The following NEK1 variants were observed in gnomAD, a reference collection of about 807,000 sequenced individuals.
NEK1 encodes serine/threonine-protein kinase Nek1.
In NEK1, 137 loss-of-function variants were observed where a neutral mutation model predicts 182.1. The observed-to-expected ratio is 0.75, with a 90% CI of 0.65 to 0.87. The LOEUF is 0.87. NEK1 is among the 40% of genes least tolerant of loss of function. The pLI is 0.00. For missense variants in NEK1, 1,391 were observed against 1,494.4 expected (o/e 0.93, Z 1.14); for synonymous variants, 513 against 492.2 (o/e 1.04, Z -0.56).
At chr4:169,436,841 A>C (rs1468940735) in intron 28 of NEK1, among the ~76,000 whole-genome samples, 1 of 152,222 alleles carries the variant, frequency 6.6e-6, no homozygotes, top group Admixed American at 6.5e-5. Context: ...ATTTCTAAGA[A>C]CTCAACAGCA....
Position 169,477,293 on chromosome 4 carries a change from T to C in NEK1, c.2265A>G (p.Lys755=). Residue 755 remains lysine, a synonymous_variant, in exon 26 of 36, where the codon AAA becomes AAG. Coordinates refer to ENST00000507142, the MANE Select transcript of NEK1 (RefSeq NM_001199397.3). ...AAGTATCAGAGAGATTCTGCTTTCC[T>C]TTTTCATCTTCTTGAGCTTTAAGAT... ...NENLKAQEDE[K]GKQNLSDTFE... is the part of the protein sequence containing the mutation. 1 of 1,591,710 alleles carries C rather than the reference T, an allele frequency of 6.3e-7. No homozygotes were observed. Among genetic ancestry groups the C allele is most frequent in the South Asian group, 1.1e-5 (1 of 88,072 alleles).
intron 27 of NEK1, among the ~76,000 whole-genome samples, chr4:169,448,106 T>C (rs1357099633): frequency 6.6e-6 from 1 of 151,868 alleles, no homozygotes; most frequent in African/African-American, 2.4e-5. Context: ...TGGGACATGC[T>C]TGTAGTCCCA....
rs1730273243 is a variant in NEK1 at position 169,393,762 on chromosome 4, C to A, written c.*748G>T. On this transcript the variant is annotated 3_prime_UTR_variant, in exon 36 of 36. Coordinates refer to ENST00000507142, the MANE Select transcript of NEK1 (RefSeq NM_001199397.3). ...CAAAAGAGCAACTTTAAGCTATATG[C>A]TAAGTCAGTGTTAAATCCACAGACT... is the stretch of plus-strand genomic sequence containing the variant. The A allele has an allele frequency of 6.6e-6, 1 of 152,190 alleles. No individual in the cohort carries two copies. Among genetic ancestry groups the A allele is most frequent in the African/African-American group, 2.4e-5 (1 of 41,440 alleles). 9.4% of individuals were successfully genotyped at this position (152,190 alleles called of 1,614,324 possible).
chr4:169,413,271 G>A (rs944247349), intron 31 of NEK1, among the ~76,000 whole-genome samples: 3 of 151,666 alleles, frequency 2.0e-5, no homozygotes, highest in Non-Finnish European at 2.9e-5. Context: ...GGGCTCAAGC[G>A]ATCCTCCCAT....
At chr4:169,416,599 A>G (rs1173028672) in intron 31 of NEK1, among the ~76,000 whole-genome samples, 1 of 152,224 alleles carries the variant, frequency 6.6e-6, no homozygotes, top group Non-Finnish European at 1.5e-5. Context: ...AGAGGTACTC[A>G]AAGATTAAGA....
chr4:169,593,051 T>C (rs934793177), intron 5 of NEK1, among the ~76,000 whole-genome samples: 3 of 152,134 alleles, frequency 2.0e-5, no homozygotes, highest in African/African-American at 7.2e-5. Context: ...ACAGACAGTG[T>C]TCTTCTATTA....
chr4:169,560,220 A>G (rs369800277), intron 16 of NEK1, among the ~76,000 whole-genome samples: 1 of 152,194 alleles, frequency 6.6e-6, no homozygotes, highest in East Asian at 1.9e-4. Context: ...GGTGTCAGCC[A>G]GGGTTACAAT....
chr4:169,529,204 CA>C (rs1341372490), intron 19 of NEK1, among the ~76,000 whole-genome samples: 10 of 152,078 alleles, frequency 6.6e-5, no homozygotes, highest in African/African-American at 2.4e-4. Context: ...GTTGCTACCT[CA>C]AAAAACAAGA....
intron 19 of NEK1, among the ~76,000 whole-genome samples, chr4:169,528,231 A>C (rs558086541): frequency 2.6e-5 from 4 of 152,158 alleles, no homozygotes; most frequent in Non-Finnish European, 5.9e-5. Flanking sequence ...TGTAATTGTC[A>C]CATTATATAC....
chr4:169,473,665 A>C (rs1479936401), intron 26 of NEK1, among the ~76,000 whole-genome samples: 1 of 152,032 alleles, frequency 6.6e-6, no homozygotes, highest in Non-Finnish European at 1.5e-5. Context: ...TGGGTGGGTC[A>C]CTTGAGGCCA....
chr4:169,452,753 C>A (rs1269168121), intron 27 of NEK1, among the ~76,000 whole-genome samples: 2 of 152,126 alleles, frequency 1.3e-5, no homozygotes, highest in Non-Finnish European at 2.9e-5. Context: ...AAAACTGGCA[C>A]AAGACAAGGA....
intron 23 of NEK1, among the ~76,000 whole-genome samples, chr4:169,503,860 A>C (rs1211672196): frequency 1.3e-5 from 2 of 152,114 alleles, no homozygotes; most frequent in African/African-American, 4.8e-5. Flanking sequence ...CTAAGTAAAA[A>C]TGGACAAATG....
intron 26 of NEK1, among the ~76,000 whole-genome samples, chr4:169,475,152 T>A (rs1746712202): frequency 6.6e-6 from 1 of 152,186 alleles, no homozygotes. Context: ...CTGGGATTCC[T>A]GGAAGACCAA....
intron 10 of NEK1, among the ~76,000 whole-genome samples, chr4:169,583,679 G>A (rs543982787): frequency 6.6e-6 from 1 of 152,298 alleles, no homozygotes; most frequent in Non-Finnish European, 1.5e-5. Context: ...ACTAAATGAA[G>A]TCATTGTTTA....
chr4:169,430,951 A>G (rs529716679), intron 29 of NEK1, among the ~76,000 whole-genome samples: 5 of 152,226 alleles, frequency 3.3e-5, no homozygotes, highest in African/African-American at 1.2e-4. Context: ...AGTTAAAAAA[A>G]CCAATACAGC....
intron 26 of NEK1, among the ~76,000 whole-genome samples, chr4:169,474,452 C>T (rs181372150): frequency 1.1e-4 from 16 of 152,306 alleles, no homozygotes; most frequent in African/African-American, 3.6e-4. Flanking sequence ...TGTTCTGCTT[C>T]GCAGTTCAGC....
At chr4:169,515,648 C>T (rs1469884017) in intron 19 of NEK1, among the ~76,000 whole-genome samples, 1 of 106,604 alleles carries the variant, frequency 9.4e-6, no homozygotes, top group East Asian at 2.8e-4. Context: ...GCTATCCCTC[C>T]CCCCTCCCCC....
At chr4:169,541,773 A>G (rs2149831716) in intron 18 of NEK1, among the ~76,000 whole-genome samples, 1 of 152,326 alleles carries the variant, frequency 6.6e-6, no homozygotes, top group East Asian at 1.9e-4. Context: ...TTCATTGAAT[A>G]AAATATTCCC....
At chr4:169,605,705 A>G (rs566292551) in intron 2 of NEK1, among the ~76,000 whole-genome samples, 3 of 152,316 alleles carry the variant, frequency 2.0e-5, no homozygotes, top group African/African-American at 7.2e-5. Flanking sequence ...AACTCAAATT[A>G]ATGTTTGCCT....
Sources: gnomAD v4.1 joint callset for allele counts (sites outside exome capture counted in the v4.1 genomes callset) on GRCh38, gnomAD v4.1.1 for gene constraint, MANE v1.5 for transcripts, NCBI Gene and HGNC (gene_info 2026-07-23, HGNC 2026-07-21) for gene names.